Variants in ADAMTSL1 observed in about 807,000 individuals in gnomAD.
ADAMTSL1 encodes the protein ADAMTS like 1.
A neutral mutation model predicts 201.8 loss-of-function variants in ADAMTSL1; 126 were observed. That is an observed-to-expected ratio of 0.62 (90% CI 0.54 to 0.72). The LOEUF is 0.72. ADAMTSL1 is among the 30% of genes least tolerant of loss of function. ADAMTSL1 has a pLI of 0.00. For missense variants in ADAMTSL1, 2,679 were observed against 2,277.8 expected (o/e 1.18, Z -3.59); for synonymous variants, 1,121 against 903.4 (o/e 1.24, Z -4.32).
At chr9:18,351,987 C>T (rs1250772156) in intron 2 of ADAMTSL1, among the ~76,000 whole-genome samples, 1 of 152,082 alleles carries the variant, frequency 6.6e-6, no homozygotes, top group Non-Finnish European at 1.5e-5. Flanking sequence ...TAATTTGTAG[C>T]TTCTTTTAGA....
chr9:18,054,194 A>G (rs1406437436), intron 1 of ADAMTSL1, among the ~76,000 whole-genome samples: 1 of 152,260 alleles, frequency 6.6e-6, no homozygotes, highest in Admixed American at 6.5e-5. Context: ...TTGTACGTGT[A>G]TAAACACAGA....
intron 4 of ADAMTSL1, among the ~76,000 whole-genome samples, chr9:18,612,149 G>C (rs879477314): frequency 2.2e-4 from 34 of 152,236 alleles, no homozygotes; most frequent in Non-Finnish European, 4.0e-4. Flanking sequence ...TGGAAATAAT[G>C]AGCATTTATG....
intron 25 of ADAMTSL1, 61 bp downstream of exon 25, chr9:18,889,809 G>A (rs1018860573): frequency 1.3e-4 from 186 of 1,393,812 alleles, no homozygotes; most frequent in Non-Finnish European, 1.5e-4. Flanking sequence ...CCCTGTTAGC[G>A]AAGTCAGTGG....
chr9:18,015,374 TA>T (rs1347593958), intron 1 of ADAMTSL1, among the ~76,000 whole-genome samples: 1 of 152,130 alleles, frequency 6.6e-6, no homozygotes, highest in Non-Finnish European at 1.5e-5. Flanking sequence ...ATAACTGAGT[TA>T]AAATTTAGCC....
rs1320996647 is a variant in ADAMTSL1, at chr9:18,622,313, G to T, written c.545G>T (p.Gly182Val). ...AACTGTGGGGTCTGCAACGGAGATG[G>T]GTCCACCTGCCGGCTGGTCCGAGGG... ...EDNCGVCNGD[G>V]STCRLVRGQY... The change falls in exon 5 of 29, where the codon GGG (glycine) becomes GTG (valine). Residue 182 changes from glycine (G) to valine (V), a missense_variant. By Grantham distance (109) the Gly-to-Val change is moderately radical. Transcript: ENST00000380548. 3 of 1,613,896 alleles carry T rather than the reference G, an allele frequency of 1.9e-6. No homozygotes were observed. Among genetic ancestry groups the T allele is most frequent in the Non-Finnish European group, 2.5e-6 (3 of 1,179,952 alleles).
chr9:18,840,738 A>C, intron 23 of ADAMTSL1, among the ~76,000 whole-genome samples: 1 of 150,728 alleles, frequency 6.6e-6, no homozygotes, highest in Non-Finnish European at 1.5e-5. Flanking sequence ...GTTCTCCTTG[A>C]AGAGGTCCTT....
intron 2 of ADAMTSL1, among the ~76,000 whole-genome samples, chr9:18,306,932 G>T (rs1833930429): frequency 6.6e-6 from 1 of 152,096 alleles, no homozygotes; most frequent in Non-Finnish European, 1.5e-5. Flanking sequence ...AAATGTTAAG[G>T]GCAGGAAGAG....
intron 4 of ADAMTSL1, among the ~76,000 whole-genome samples, chr9:18,583,728 T>A (rs1219258917): frequency 1.3e-5 from 2 of 152,138 alleles, no homozygotes; most frequent in Non-Finnish European, 2.9e-5. Flanking sequence ...CCCAAGACCG[T>A]GGGGACCCAC....
At chr9:18,385,743 G>C (rs1345003828) in intron 2 of ADAMTSL1, among the ~76,000 whole-genome samples, 2 of 152,082 alleles carry the variant, frequency 1.3e-5, no homozygotes, top group Non-Finnish European at 2.9e-5. Flanking sequence ...TTAAATCCTT[G>C]ATACATGATG....
intron 2 of ADAMTSL1, among the ~76,000 whole-genome samples, chr9:18,511,229 C>G (rs1818005457): frequency 6.6e-6 from 1 of 151,758 alleles, no homozygotes; most frequent in Admixed American, 6.6e-5. Context: ...TTCTGAAATG[C>G]CAAATTCATC....
At chr9:18,208,080 G>A (rs953193413) in intron 2 of ADAMTSL1, among the ~76,000 whole-genome samples, 5 of 152,090 alleles carry the variant, frequency 3.3e-5, no homozygotes, top group Non-Finnish European at 1.5e-5. Context: ...CTATGAAATG[G>A]AGACAGTGAT....
chr9:18,083,132 G>A (rs1428405410), intron 1 of ADAMTSL1, among the ~76,000 whole-genome samples: 2 of 152,218 alleles, frequency 1.3e-5, no homozygotes, highest in East Asian at 1.9e-4. Context: ...TTTTGAGGAT[G>A]TGGGGCAAGA....
chr9:18,539,424 G>A (rs1253795214), intron 3 of ADAMTSL1, among the ~76,000 whole-genome samples: 1 of 152,190 alleles, frequency 6.6e-6, no homozygotes, highest in African/African-American at 2.4e-5. Flanking sequence ...TTTCACCGCT[G>A]CATACTCAGG....
At chr9:18,563,624 A>G (rs1564051782) in intron 3 of ADAMTSL1, among the ~76,000 whole-genome samples, 3 of 152,142 alleles carry the variant, frequency 2.0e-5, no homozygotes. Flanking sequence ...CCTCCCCTTC[A>G]CCCAGGTGCT....
intron 3 of ADAMTSL1, among the ~76,000 whole-genome samples, chr9:18,550,523 G>A (rs1335868449): frequency 6.6e-6 from 1 of 151,948 alleles, no homozygotes; most frequent in African/African-American, 2.4e-5. Context: ...GCCTAACAAT[G>A]AAGTGGGACA....
intron 1 of ADAMTSL1, among the ~76,000 whole-genome samples, chr9:18,082,720 C>T (rs1006680392): frequency 1.2e-4 from 19 of 152,138 alleles, no homozygotes; most frequent in African/African-American, 4.3e-4. Context: ...TCCATTGTCC[C>T]TCTGCTCACT....
chr9:18,884,722 G>A (rs1393611096), intron 23 of ADAMTSL1, among the ~76,000 whole-genome samples: 3 of 152,030 alleles, frequency 2.0e-5, no homozygotes, highest in Non-Finnish European at 4.4e-5. Context: ...TTAAAAGTCT[G>A]TTTCCGGTCT....
chr9:17,956,166 A>T (rs1588474362), intron 1 of ADAMTSL1, among the ~76,000 whole-genome samples: 1 of 152,204 alleles, frequency 6.6e-6, no homozygotes, highest in African/African-American at 2.4e-5. Flanking sequence ...TCATAAATAC[A>T]TCTTACCTTG....
chr9:18,430,225 C>T (rs1231634929), intron 2 of ADAMTSL1, among the ~76,000 whole-genome samples: 4 of 152,110 alleles, frequency 2.6e-5, no homozygotes, highest in African/African-American at 7.2e-5. Flanking sequence ...TAATAAGTGC[C>T]GGGTGGTTTC....
Sources: gnomAD v4.1 joint callset for allele counts (sites outside exome capture counted in the v4.1 genomes callset) on GRCh38, gnomAD v4.1.1 for gene constraint, MANE v1.5 for transcripts, NCBI Gene and HGNC (gene_info 2026-07-23, HGNC 2026-07-21) for gene names.